RTL1: variants seen among roughly 807,000 people sequenced by gnomAD.
The protein encoded by RTL1 is retrotransposon Gag like 1.
For missense variants in RTL1, 1,681 were observed against 1,767.5 expected (o/e 0.95, Z 0.88); for synonymous variants, 727 against 748.4 (o/e 0.97, Z 0.47).
intron 2 of RTL1, among the ~76,000 whole-genome samples, chr14:100,897,136 C>T (rs1387692315): frequency 6.6e-6 from 1 of 152,120 alleles, no homozygotes; most frequent in East Asian, 1.9e-4. Context: ...CCAGTGAGAG[C>T]ATATAGATAT....
At position 100,881,197 on chromosome 14, in the gene RTL1, C is replaced by T; in HGVS notation, c.3592G>A (p.Glu1198Lys). 1 of 1,542,374 alleles carries T rather than the reference C, an allele frequency of 6.5e-7. No homozygotes were observed. Among genetic ancestry groups the T allele is most frequent in the Non-Finnish European group, 8.8e-7 (1 of 1,142,322 alleles). Residue 1198 changes from glutamate to lysine, a missense_variant, in exon 4 of 4, where the codon GAG (glutamate) becomes AAG (lysine). Glu to Lys is a moderately conservative substitution (Grantham distance 56). Coordinates refer to ENST00000649591, the MANE Select transcript of RTL1 (RefSeq NM_001134888.3). The surrounding 1 kb of genome is among the most constrained non-coding windows in gnomAD (Gnocchi z 6.6). ...FTPGFWLTLC[E>K]FFGVRVTPQE... is the part of the protein sequence containing the mutation. ...GGGGTGACTCTGACACCGAAGAACT[C>T]ACACAGCGTCAGCCAGAAGCCAGGG... is the stretch of plus-strand genomic sequence containing the variant.
rs2038818158 is a variant in RTL1, at chr14:100,893,963, C to T, written c.-148-458G>A. On this transcript the variant is annotated intron_variant, in intron 2 of 3. Coordinates refer to ENST00000649591, the MANE Select transcript of RTL1 (RefSeq NM_001134888.3). The surrounding 1 kb of genome is among the most constrained non-coding windows in gnomAD (Gnocchi z 4.2). ...AGCCTTGCTCTTCAGTTCCTGGAAG[C>T]CTCCTGCCCTTGGTGGACAACCATT... Among the ~76,000 whole-genome samples the T allele has an allele frequency of 6.6e-6, 1 of 152,176 alleles. No homozygotes were observed. Among genetic ancestry groups the T allele is most frequent in the Non-Finnish European group, 1.5e-5 (1 of 68,040 alleles).
rs1369963713 is a variant in RTL1 at position 100,884,369 on chromosome 14, G to T, written c.420C>A (p.Asp140Glu). 7 of 1,569,692 alleles carry T rather than the reference G, an allele frequency of 4.5e-6. No individual in the cohort carries two copies. The highest frequency in any genetic ancestry group is 6.1e-6 in the Non-Finnish European group (7 of 1,155,740). The change falls in exon 4 of 4, where the codon GAC (aspartate) becomes GAA (glutamate). Residue 140 changes from aspartate to glutamate, a missense_variant. Transcript: ENST00000649591. Reference sequence around the variant, plus strand: ...TCTCCTCCCTTCCCGATTCCTTCAGGTCAGTGTGAGCCTCTTGTTCTTCTC... The same window carrying T: ...TCTCCTCCCTTCCCGATTCCTTCAGTTCAGTGTGAGCCTCTTGTTCTTCTC... Reference protein sequence around the residue: ...GAREEQEAHTDLKESGREETP... With the variant: ...GAREEQEAHTELKESGREETP...
intron 2 of RTL1, among the ~76,000 whole-genome samples, chr14:100,894,046 C>G (rs146031085): frequency 6.6e-5 from 10 of 152,272 alleles, no homozygotes; most frequent in African/African-American, 2.4e-4. Flanking sequence ...CGGGGTGGCT[C>G]ACACCTGTAA....
Position 100,883,854 on chromosome 14 carries a change from A to AC in RTL1, c.934dup (p.Val312GlyfsTer9). 1 of 1,551,664 alleles carries AC rather than the reference A, an allele frequency of 6.4e-7. No individual in the cohort carries two copies. The highest frequency in any genetic ancestry group is 8.7e-7 in the Non-Finnish European group (1 of 1,146,992). ...TTCATCTGGCCAGCCCAAGATGGGT[A>AC]CCAGGCTCTGGAACTCATCGATGTA... is the stretch of plus-strand genomic sequence containing the variant. On this transcript the variant is annotated frameshift_variant, in exon 4 of 4. Transcript: ENST00000649591. LOFTEE classifies it low-confidence loss of function (END_TRUNC). The surrounding 1 kb of genome is among the most constrained non-coding windows in gnomAD (Gnocchi z 5.9).
Position 100,883,101 on chromosome 14 carries a change from G to A in RTL1, c.1688C>T (p.Ala563Val). The A allele has an allele frequency of 6.2e-7, 1 of 1,613,518 alleles. No individual in the cohort carries two copies. The highest frequency in any genetic ancestry group is 8.5e-7 in the Non-Finnish European group (1 of 1,179,812). ...TGCTTCCTTCGGGTTAAACACGTCG[G>A]CCAGGTCTGAGTATGGGTGTGGCAG... Reference protein sequence around the residue: ...PGLPHPYSDLADVFNPKEADD... With the variant: ...PGLPHPYSDLVDVFNPKEADD... The change falls in exon 4 of 4, where the codon GCC (alanine) becomes GTC (valine). Residue 563 changes from alanine to valine, a missense_variant. Coordinates refer to ENST00000649591, the MANE Select transcript of RTL1 (RefSeq NM_001134888.3). The surrounding 1 kb of genome is among the most constrained non-coding windows in gnomAD (Gnocchi z 5.9).
In RTL1 at chr14:100,879,831, C is replaced by T. The variant is rs1238500648; in HGVS notation, c.*881G>A. On this transcript the variant is annotated 3_prime_UTR_variant, in exon 4 of 4. Transcript: ENST00000649591. ...CTCGGGGGGTGGGGAAGGGTCTACTCCCCTTGCAAAGCGGTGGTGTGGCCA... is the reference window on the plus strand; with the variant it reads ...CTCGGGGGGTGGGGAAGGGTCTACTTCCCTTGCAAAGCGGTGGTGTGGCCA... 1.3e-5 allele frequency among the ~76,000 whole-genome samples: 2 copies of T among 151,864 alleles called. No individual in the cohort carries two copies. Among genetic ancestry groups the T allele is most frequent in the Non-Finnish European group, 2.9e-5 (2 of 67,984 alleles).
Position 100,880,615 on chromosome 14 carries a change from A to G in RTL1, c.*97T>C, listed in dbSNP as rs1595332245. On this transcript the variant is annotated 3_prime_UTR_variant, in exon 4 of 4. Coordinates refer to ENST00000649591, the MANE Select transcript of RTL1 (RefSeq NM_001134888.3). The stretch of plus-strand genomic sequence containing the variant: ...CTTGGGTCAGGAGTGGCAGGAAGGG[A>G]AGCGAAGCAGGCTGAGGCGCGGGGA... 6.7e-7 allele frequency: 1 copy of G among 1,502,336 alleles called. No homozygotes were observed. 93.1% of individuals were successfully genotyped at this position (1,502,336 alleles called of 1,614,324 possible).
rs776592779 is a variant in RTL1, at chr14:100,882,434, T to G, written c.2355A>C (p.Lys785Asn). Residue 785 changes from lysine (K) to asparagine (N), a missense_variant, in exon 4 of 4, where the codon AAA (lysine) becomes AAC (asparagine). Coordinates refer to ENST00000649591, the MANE Select transcript of RTL1 (RefSeq NM_001134888.3). The stretch of plus-strand genomic sequence containing the variant: ...TGACGTTCTTGTTCAGTTTCACCCC[T>G]TTGGGGGTGACGACGAAGCCCAGGA... ...VEFLGFVVTPKGVKLNKNVMT... is the reference protein window; with the variant it reads ...VEFLGFVVTPNGVKLNKNVMT... The G allele has an allele frequency of 1.9e-6, 3 of 1,552,028 alleles. No homozygotes were observed. The highest frequency in any genetic ancestry group is 2.6e-6 in the Non-Finnish European group (3 of 1,147,074).
intron 2 of RTL1, among the ~76,000 whole-genome samples, chr14:100,896,925 C>G (rs1009838471): frequency 6.6e-6 from 1 of 152,174 alleles, no homozygotes; most frequent in African/African-American, 2.4e-5. Flanking sequence ...CCCCCAAGGT[C>G]TCATTCCACT....
At chr14:100,903,430 G>A (rs2038969636) in intron 1 of RTL1, among the ~76,000 whole-genome samples, 44 bp from the exon 2 acceptor site, 1 of 152,102 alleles carries the variant, frequency 6.6e-6, no homozygotes. Context: ...GGAAATTGAG[G>A]TGATCAAGAG....
chr14:100,897,782 G>GGGGGGGGGGGGGGGGA (rs2038887536), intron 2 of RTL1: 2 of 168,974 alleles, frequency 1.2e-5, no homozygotes, highest in African/African-American at 6.2e-5. Flanking sequence ...GGGGGGCGGG[G>GGGGGGGGGGGGGGGGA]GGGGGCAGTG....
intron 3 of RTL1, among the ~76,000 whole-genome samples, chr14:100,892,802 C>T (rs2038799499): frequency 6.6e-6 from 1 of 152,094 alleles, no homozygotes; most frequent in African/African-American, 2.4e-5. Flanking sequence ...TTATTAAATA[C>T]ATTCAAATGA....
At position 100,884,414 on chromosome 14, in the gene RTL1, T is replaced by C; in HGVS notation, c.375A>G (p.Ser125=). 6.2e-7 allele frequency: 1 copy of C among 1,611,410 alleles called. No individual in the cohort carries two copies. The stretch of plus-strand genomic sequence containing the variant: ...CTTCTCGGGCTCCCGATGGGTTGAC[T>C]GATGCTTCTTTCATCCTATCAGATG... ...SGASDRMKEA[S]VNPSGAREEQ... is the part of the protein sequence containing the mutation. The change falls in exon 4 of 4, where the codon TCA becomes TCG. Residue 125 remains serine, a synonymous_variant. Transcript: ENST00000649591.
At chr14:100,897,421 C>T (rs565726888) in intron 2 of RTL1, among the ~76,000 whole-genome samples, 16 of 152,260 alleles carry the variant, frequency 1.1e-4, no homozygotes, top group African/African-American at 3.1e-4. Context: ...ATGCTTCCCT[C>T]GATCCCTCCC....
rs868083594 is a variant in RTL1, at chr14:100,883,642, C to A, written c.1147G>T (p.Asp383Tyr). 14 of 1,550,880 alleles carry A rather than the reference C, an allele frequency of 9.0e-6. No homozygotes were observed. The highest frequency in any genetic ancestry group is 1.2e-5 in the Non-Finnish European group (14 of 1,146,844). Residue 383 changes from aspartate to tyrosine, a missense_variant, in exon 4 of 4, where the codon GAC (aspartate) becomes TAC (tyrosine). Coordinates refer to ENST00000649591, the MANE Select transcript of RTL1 (RefSeq NM_001134888.3). The surrounding 1 kb of genome is among the most constrained non-coding windows in gnomAD (Gnocchi z 5.9). ...ATCCACCTCTCTGGAGCAGGTGAGT[C>A]GATCCAGGTCAGGTTCCGGGGGCGG... ...EARPRNLTWI[D>Y]SPAPERWMVS... is the part of the protein sequence containing the mutation.
At position 100,883,671 on chromosome 14, in the gene RTL1, T is replaced by G; in HGVS notation, c.1118A>C (p.Glu373Ala). Reference protein sequence around the residue: ...ERRAMLRLPPEARPRNLTWID... With the variant: ...ERRAMLRLPPAARPRNLTWID... ...CCAGGTCAGGTTCCGGGGGCGGGCC[T>G]CGGGGGGCAGCCTGAGCATAGCTCT... Residue 373 changes from glutamate to alanine, a missense_variant, in exon 4 of 4, where the codon GAG becomes GCG. Coordinates refer to ENST00000649591, the MANE Select transcript of RTL1 (RefSeq NM_001134888.3). The surrounding 1 kb of genome is among the most constrained non-coding windows in gnomAD (Gnocchi z 5.9). 6.4e-7 allele frequency: 1 copy of G among 1,551,544 alleles called. No homozygotes were observed. The highest frequency in any genetic ancestry group is 1.4e-5 in the African/African-American group (1 of 73,162).
intron 2 of RTL1, among the ~76,000 whole-genome samples, chr14:100,901,319 A>G (rs2038939301): frequency 6.6e-6 from 1 of 152,154 alleles, no homozygotes; most frequent in South Asian, 2.1e-4. Flanking sequence ...GCGCGCACAC[A>G]CACATGCTGA....
chr14:100,881,462 C>T lies in RTL1; in HGVS notation c.3327G>A (p.Pro1109=), dbSNP rs765927058. Residue 1109 remains proline, a synonymous_variant, in exon 4 of 4, where the codon CCG becomes CCA. Coordinates refer to ENST00000649591, the MANE Select transcript of RTL1 (RefSeq NM_001134888.3). The surrounding 1 kb of genome is among the most constrained non-coding windows in gnomAD (Gnocchi z 6.6). The part of the protein sequence containing the change: ...LRVRQCLSLR[P]APAMRVARPQ... ...GCCGAGCCACCCGCATGGCGGGTGC[C>T]GGCCGCAGCGAGAGGCATTGCCTCA... is the stretch of plus-strand genomic sequence containing the variant. 3.7e-5 allele frequency: 58 copies of T among 1,550,604 alleles called. No homozygotes were observed. Among genetic ancestry groups the T allele is most frequent in the African/African-American group, 3.4e-4 (25 of 73,154 alleles).
Sources: allele counts gnomAD v4.1 joint callset (sites outside exome capture counted in the v4.1 genomes callset), GRCh38; gene constraint gnomAD v4.1.1; non-coding constraint Gnocchi (gnomAD v3.1); transcripts MANE v1.5; gene names NCBI Gene and HGNC (gene_info 2026-07-23, HGNC 2026-07-21).